Variants in TRIP4 observed in about 807,000 individuals in gnomAD.
TRIP4 encodes the protein activating signal cointegrator 1.
Under a neutral mutation model 81.8 loss-of-function variants are expected in TRIP4, and 54 were observed. The observed-to-expected ratio is 0.66, with a 90% confidence interval of 0.53 to 0.83. TRIP4 has a LOEUF of 0.83. Ranked by LOEUF, TRIP4 falls within the 40% of genes least tolerant of loss-of-function variation. The probability of loss-of-function intolerance (pLI) is 0.00; values close to 1 mark genes in which losing one functional copy is unlikely to be tolerated. For synonymous variants in TRIP4, 270 were observed against 242.8 expected (o/e 1.11, Z -1.04); for missense variants, 662 against 683.6 (o/e 0.97, Z 0.35).
chr15:64,395,714 G>A (rs141950584), intron 3 of TRIP4, among the ~76,000 whole-genome samples, 183 bp downstream of exon 3: 4 of 150,544 alleles, frequency 2.7e-5, no homozygotes, highest in Non-Finnish European at 4.4e-5. Flanking sequence ...TTGGCAACCT[G>A]ATTAGTATTA....
At chr15:64,419,822 T>C (rs1457400756) in intron 9 of TRIP4, among the ~76,000 whole-genome samples, 1 of 151,930 alleles carries the variant, frequency 6.6e-6, no homozygotes, top group Admixed American at 6.6e-5. Flanking sequence ...TGTTTCTATC[T>C]TTCTTTTTTT....
chr15:64,408,404 G>A (rs1891681553), intron 6 of TRIP4, among the ~76,000 whole-genome samples: 1 of 150,886 alleles, frequency 6.6e-6, no homozygotes, highest in African/African-American at 2.4e-5. Context: ...GACTACAGGC[G>A]CCCGCCACTA....
At chr15:64,446,713 A>C (rs1175405203) in intron 12 of TRIP4, among the ~76,000 whole-genome samples, 2 of 151,696 alleles carry the variant, frequency 1.3e-5, no homozygotes. Flanking sequence ...CATTTTAAAA[A>C]TTTTTATTAG....
intron 11 of TRIP4, among the ~76,000 whole-genome samples, chr15:64,430,658 C>A (rs2140304303): frequency 6.6e-6 from 1 of 152,282 alleles, no homozygotes; most frequent in South Asian, 2.1e-4. Flanking sequence ...CTATTTATAT[C>A]CCTGCCTTCA....
At chr15:64,389,708 CTTT>C (rs368526429) in intron 1 of TRIP4, among the ~76,000 whole-genome samples, 3 of 127,272 alleles carry the variant, frequency 2.4e-5, no homozygotes, top group Non-Finnish European at 3.3e-5. Context: ...AAAATTTTCA[CTTT>C]TTTTTTTTTT....
chr15:64,451,371 C>T (rs1368334880), intron 12 of TRIP4, among the ~76,000 whole-genome samples: 5 of 137,374 alleles, frequency 3.6e-5, no homozygotes, highest in African/African-American at 5.0e-5. Flanking sequence ...CCTTGGCCTC[C>T]GAAAGTGCTG....
In TRIP4 at chr15:64,451,873, G is replaced by T. The variant is rs1203684886; in HGVS notation, c.1679-3124G>T. Among the ~76,000 whole-genome samples, 3 of 150,412 alleles carry T rather than the reference G, an allele frequency of 2.0e-5. No individual in the cohort carries two copies. The East Asian group carries it at 5.8e-4, about 29-fold the overall frequency. ...TCACCATTTTGACCAGGCTGGTCTT[G>T]AACTTCTGACCTTAGGTGATCTGCC... On this transcript the variant is annotated intron_variant, in intron 12 of 12. Coordinates refer to ENST00000261884, the MANE Select transcript of TRIP4 (RefSeq NM_016213.5).
intron 1 of TRIP4, 105 bp from the exon 2 acceptor site, chr15:64,393,841 C>CT: frequency 8.6e-7 from 1 of 1,156,798 alleles, no homozygotes; most frequent in South Asian, 2.0e-5. Flanking sequence ...AGTAAACACT[C>CT]TAATAGATTA....
intron 8 of TRIP4, among the ~76,000 whole-genome samples, chr15:64,415,856 T>A (rs1891882504): frequency 6.6e-6 from 1 of 152,222 alleles, no homozygotes; most frequent in Non-Finnish European, 1.5e-5. Flanking sequence ...GGTTTTGCCC[T>A]AAAGTAGGCA....
intron 9 of TRIP4, among the ~76,000 whole-genome samples, chr15:64,421,319 C>G (rs1474300565): frequency 6.6e-6 from 1 of 150,540 alleles, no homozygotes; most frequent in Non-Finnish European, 1.5e-5. Context: ...TTTACGCTAC[C>G]TTTTATTTTC....
chr15:64,417,059 G>C (rs930433743), intron 8 of TRIP4, among the ~76,000 whole-genome samples: 5 of 152,074 alleles, frequency 3.3e-5, no homozygotes, highest in African/African-American at 1.2e-4. Flanking sequence ...CCAGGCTAGA[G>C]TGCAGTGGTA....
intron 12 of TRIP4, among the ~76,000 whole-genome samples, chr15:64,451,574 C>A (rs996900821): frequency 1.4e-5 from 2 of 147,510 alleles, no homozygotes; most frequent in Admixed American, 1.4e-4. Flanking sequence ...CTGGCTCAAG[C>A]AATTCTCCCA....
At position 64,412,562 on chromosome 15, in the gene TRIP4, A is replaced by G. The variant is rs1017789653; in HGVS notation, c.1044-1523A>G. Among the ~76,000 whole-genome samples the G allele has an allele frequency of 1.0e-3, 152 of 152,164 alleles. 1 individual carries two copies. The highest frequency in any genetic ancestry group is 3.5e-3 in the African/African-American group (147 of 41,542). The stretch of plus-strand genomic sequence containing the variant: ...ACTTGGATTGAAAGCCTCTTTAAAA[A>G]AAAAAAAAAAGCCTCTTGAAGGCAG... On this transcript the variant is annotated intron_variant, in intron 7 of 12. Transcript: ENST00000261884.
intron 12 of TRIP4, among the ~76,000 whole-genome samples, chr15:64,448,559 G>A (rs113600350): frequency 0.01 from 1,544 of 152,198 alleles, 23 homozygotes; most frequent in African/African-American, 0.035. Context: ...CATCTCCCAG[G>A]CTCAAGTGAT....
At chr15:64,431,847 A>ATATATATATATATATATTTTTTTT in intron 11 of TRIP4, among the ~76,000 whole-genome samples, 1 of 119,558 alleles carries the variant, frequency 8.4e-6, no homozygotes, top group African/African-American at 3.3e-5. Flanking sequence ...ATATATATAT[A>ATATATATATATATATATTTTTTTT]TTTTTTTTAT....
At chr15:64,392,316 C>T (rs1027980855) in intron 1 of TRIP4, among the ~76,000 whole-genome samples, 3 of 151,952 alleles carry the variant, frequency 2.0e-5, no homozygotes, top group African/African-American at 2.4e-5. Context: ...AAAAAACCCT[C>T]CAGGGTTAAA....
chr15:64,421,865 G>A (rs992564305), intron 9 of TRIP4, among the ~76,000 whole-genome samples: 3 of 151,940 alleles, frequency 2.0e-5, no homozygotes, highest in Non-Finnish European at 2.9e-5. Flanking sequence ...CCAACATGGC[G>A]AAACCCCATC....
chr15:64,396,720 A>G (rs1596336228), intron 3 of TRIP4, among the ~76,000 whole-genome samples: 1 of 152,218 alleles, frequency 6.6e-6, no homozygotes, highest in Non-Finnish European at 1.5e-5. Context: ...TCCAATTCCA[A>G]TGCAACAGTG....
In TRIP4 at chr15:64,424,097, A is replaced by G; in HGVS notation, c.1425A>G (p.Lys475=). ...TTTGGATAGCAGCCACAGCTAAAAA[A>G]CCCTCCCCTCAAGAAGTCTCAGAAC... ...GRLWIAATAK[K]PSPQEVSELQ... The change falls in exon 10 of 13, where the codon AAA becomes AAG. Residue 475 remains lysine (K), a synonymous_variant. Transcript: ENST00000261884. 3 of 1,612,748 alleles carry G rather than the reference A, an allele frequency of 1.9e-6. No homozygotes were observed. The highest frequency in any genetic ancestry group is 1.7e-6 in the Non-Finnish European group (2 of 1,179,792).
Sources: gnomAD v4.1 joint callset for allele counts (sites outside exome capture counted in the v4.1 genomes callset) on GRCh38, gnomAD v4.1.1 for gene constraint, MANE v1.5 for transcripts, NCBI Gene and HGNC (gene_info 2026-07-23, HGNC 2026-07-21) for gene names.